SEMA4D: variants seen among roughly 807,000 people sequenced by gnomAD.
SEMA4D encodes the protein semaphorin-4D.
SEMA4D carries 22 observed loss-of-function variants against 74.8 expected under a neutral mutation model. The ratio of observed to expected loss-of-function variants is 0.29; its 90% CI spans 0.21 to 0.42. SEMA4D has a LOEUF of 0.42. Ranked by LOEUF, SEMA4D falls within the 10% of genes least tolerant of loss-of-function variation. The probability of loss-of-function intolerance (pLI) is 1.00; values close to 1 mark genes in which losing one functional copy is unlikely to be tolerated. For missense variants in SEMA4D, 937 were observed against 1,118.4 expected (o/e 0.84, Z 2.31); for synonymous variants, 445 against 463.7 (o/e 0.96, Z 0.52).
At chr9:89,480,604 G>A (rs528008191) in intron 1 of SEMA4D, among the ~76,000 whole-genome samples, 6 of 152,354 alleles carry the variant, frequency 3.9e-5, no homozygotes, top group Non-Finnish European at 7.3e-5. Flanking sequence ...CGAGCACAGC[G>A]CCGGTGGGCC....
At chr9:89,485,560 G>A (rs556110932) in intron 1 of SEMA4D, among the ~76,000 whole-genome samples, 10 of 152,168 alleles carry the variant, frequency 6.6e-5, no homozygotes, top group East Asian at 3.9e-4. Context: ...AGGCCAAGAC[G>A]GGAGGATCAC....
At chr9:89,411,083 G>A (rs1844428997) in intron 2 of SEMA4D, among the ~76,000 whole-genome samples, 1 of 152,194 alleles carries the variant, frequency 6.6e-6, no homozygotes, top group Admixed American at 6.5e-5. Context: ...TGGAGGAGAG[G>A]CAGAGAGAGC....
At chr9:89,435,338 A>C (rs1587865435) in intron 2 of SEMA4D, among the ~76,000 whole-genome samples, 2 of 152,196 alleles carry the variant, frequency 1.3e-5, no homozygotes, top group South Asian at 4.1e-4. Flanking sequence ...TTTTACCCCA[A>C]TTCTGGAAGG....
At chr9:89,371,416 T>G (rs1365244383) in intron 16 of SEMA4D, among the ~76,000 whole-genome samples, 4 of 59,848 alleles carry the variant, frequency 6.7e-5, no homozygotes, top group Admixed American at 2.0e-4. Flanking sequence ...TGGGGTGTGG[T>G]GTGTGTCTGG....
rs1370523939 is a variant in SEMA4D at position 89,415,885 on chromosome 9, C to T, written c.-243-10186G>A. On this transcript the variant is annotated intron_variant, in intron 2 of 15. Transcript: ENST00000422704. ...GGTCGGTCACCATTTACACTGGTAG[C>T]GCCTTTGATATGACACTAAAACTGG... Among the ~76,000 whole-genome samples the T allele has an allele frequency of 3.3e-5, 5 of 152,270 alleles. No homozygotes were observed. In the East Asian group the frequency reaches 5.8e-4, roughly 18 times the overall value.
At chr9:89,402,517 G>A (rs1842431338) in intron 4 of SEMA4D, among the ~76,000 whole-genome samples, 1 of 152,172 alleles carries the variant, frequency 6.6e-6, no homozygotes, top group African/African-American at 2.4e-5. Context: ...GAGATACCCA[G>A]ATGAAGAATG....
chr9:89,362,575 T>C (rs1458982570), intron 18 of SEMA4D: 1 of 1,418,158 alleles, frequency 7.1e-7, no homozygotes, highest in African/African-American at 1.4e-5. Context: ...AGTCTAAAGA[T>C]CCAAATGCCA....
At chr9:89,392,562 A>T in intron 7 of SEMA4D, 26 bp from the exon 8 acceptor site, 1 of 1,461,402 alleles carries the variant, frequency 6.8e-7, no homozygotes, top group South Asian at 1.1e-5. Flanking sequence ...AGAAAAGAGG[A>T]AAAGGGAACC....
chr9:89,463,937 C>CA (rs11394548), intron 1 of SEMA4D, among the ~76,000 whole-genome samples: 52,549 of 125,294 alleles, frequency 0.42, 9,614 homozygotes, highest in East Asian at 0.52. Flanking sequence ...CCGTCTCAGA[C>CA]AAAAAAAAAA....
chr9:89,480,935 G>A (rs527947011), intron 1 of SEMA4D, among the ~76,000 whole-genome samples: 78 of 152,348 alleles, frequency 5.1e-4, no homozygotes, highest in Admixed American at 8.5e-4. Context: ...GGGAGGTGCC[G>A]AGAGCAAGCG....
At chr9:89,461,020 G>A (rs2135687997) in intron 1 of SEMA4D, among the ~76,000 whole-genome samples, 1 of 152,262 alleles carries the variant, frequency 6.6e-6, no homozygotes, top group South Asian at 2.1e-4. Context: ...ATGCTCGGGG[G>A]CTCTGCTGGG....
intron 2 of SEMA4D, among the ~76,000 whole-genome samples, chr9:89,411,107 G>A (rs891244158): frequency 5.9e-5 from 9 of 152,192 alleles, no homozygotes; most frequent in Non-Finnish European, 1.5e-5. Flanking sequence ...GAGCTGGGGA[G>A]CAGGCAGAGG....
intron 17 of SEMA4D, chr9:89,363,711 A>AT (rs1833123762): frequency 6.2e-7 from 1 of 1,603,482 alleles, no homozygotes; most frequent in African/African-American, 1.3e-5. Context: ...ACCTCATAAA[A>AT]GGGTAACAGT....
chr9:89,377,952 C>A lies in SEMA4D; in HGVS notation c.*752G>T, dbSNP rs557248444. 2.4e-4 allele frequency: 37 copies of A among 151,396 alleles called. No homozygotes were observed. Among genetic ancestry groups the A allele is most frequent in the Non-Finnish European group, 1.3e-4 (9 of 67,828 alleles). The allele number at this position is 151,396 out of a possible 1,614,324, so 9.4% of individuals were successfully genotyped here. On this transcript the variant is annotated 3_prime_UTR_variant, in exon 16 of 16. Coordinates refer to ENST00000422704, the MANE Select transcript of SEMA4D (RefSeq NM_001371194.2). ...AAAATCTCTCCAAAAACAATGCTTC[C>A]CTCAAGGAATAAAGTTAAAAAAAAA...
intron 2 of SEMA4D, among the ~76,000 whole-genome samples, chr9:89,426,717 C>T (rs1221399691): frequency 6.6e-6 from 1 of 152,212 alleles, no homozygotes; most frequent in East Asian, 1.9e-4. Context: ...TCAGAGGCCA[C>T]AAGAACCTCC....
At chr9:89,481,838 G>A (rs1048222006) in intron 1 of SEMA4D, among the ~76,000 whole-genome samples, 1 of 152,246 alleles carries the variant, frequency 6.6e-6, no homozygotes. Context: ...CCCAGGCATC[G>A]CAGGGCTGGC....
rs1254927795 is a variant in SEMA4D at position 89,378,684 on chromosome 9, G to A, written c.*20C>T. 3.8e-6 allele frequency: 6 copies of A among 1,594,972 alleles called. No homozygotes were observed. Among genetic ancestry groups the A allele is most frequent in the Non-Finnish European group, 4.3e-6 (5 of 1,163,224 alleles). On this transcript the variant is annotated 3_prime_UTR_variant, in exon 16 of 16. Coordinates refer to ENST00000422704, the MANE Select transcript of SEMA4D (RefSeq NM_001371194.2). ...TGGACACGTCGCAGCCGAGGCACCA[G>A]CGGGGATGCACAGCCGGCCTCAGTC...
exon 19 of SEMA4D, chr9:89,361,947 C>T (rs1048882320): frequency 4.4e-5 from 8 of 181,640 alleles, no homozygotes; most frequent in South Asian, 3.1e-4. Context: ...ATAAAAGCAG[C>T]GATCTGTGCT....
At chr9:89,462,953 GGGGGGAGCGA>G (rs1564881788) in intron 1 of SEMA4D, among the ~76,000 whole-genome samples, 84 of 100,740 alleles carry the variant, frequency 8.3e-4, no homozygotes, top group East Asian at 1.7e-3. Context: ...AAAGAAAGGA[GGGGGGAGCGA>G]GCGAGGGGAG....
Sources: gnomAD v4.1 joint callset for allele counts (sites outside exome capture counted in the v4.1 genomes callset) on GRCh38, gnomAD v4.1.1 for gene constraint, MANE v1.5 for transcripts, NCBI Gene and HGNC (gene_info 2026-07-23, HGNC 2026-07-21) for gene names.